GRM7: variants seen among roughly 807,000 people sequenced by gnomAD.
GRM7 encodes glutamate metabotropic receptor 7.
GRM7 carries 35 observed loss-of-function variants against 84.5 expected under a neutral mutation model. The ratio of observed to expected loss-of-function variants is 0.41; its 90% CI spans 0.32 to 0.55. The LOEUF is 0.55. Ranked by LOEUF, GRM7 falls within the 20% of genes least tolerant of loss-of-function variation. The pLI, the probability that GRM7 is intolerant of heterozygous loss-of-function variation, is 0.19. For synonymous variants in GRM7, 487 were observed against 455.1 expected, an observed-to-expected ratio of 1.07 and a Z score of -0.89; for missense variants, 1,003 against 1,194.6, an observed-to-expected ratio of 0.84 and a Z score of 2.36.
In GRM7 at chr3:7,103,695, T is replaced by A. The variant is rs144731397; in HGVS notation, c.520-42757T>A. Among the ~76,000 whole-genome samples the A allele has an allele frequency of 2.4e-3, 358 of 151,934 alleles. 2 individuals carry two copies. In the Middle Eastern group the frequency reaches 0.031, roughly 13 times the overall value. ...GCATGACCTCTTTACAGTGTTACTG[T>A]GTACTAATGCTTAGTCTTATTTTGT... On this transcript the variant is annotated intron_variant, in intron 1 of 9. Coordinates refer to ENST00000357716, the MANE Select transcript of GRM7 (RefSeq NM_000844.4).
At chr3:7,082,014 T>C (rs1698290540) in intron 1 of GRM7, among the ~76,000 whole-genome samples, 1 of 152,002 alleles carries the variant, frequency 6.6e-6, no homozygotes, top group Non-Finnish European at 1.5e-5. Context: ...AAATGCAAGG[T>C]GAGGCAGCAA....
chr3:7,079,172 C>T (rs1342763892), intron 1 of GRM7, among the ~76,000 whole-genome samples: 2 of 152,002 alleles, frequency 1.3e-5, no homozygotes, highest in Non-Finnish European at 2.9e-5. Context: ...GGTTGTTAAC[C>T]ATAATTAGAA....
chr3:6,940,857 A>T (rs561041690), intron 1 of GRM7, among the ~76,000 whole-genome samples: 16 of 152,352 alleles, frequency 1.1e-4, no homozygotes, highest in African/African-American at 3.4e-4. Flanking sequence ...CTACCCTGCA[A>T]TATGAGTTTT....
At chr3:7,240,134 T>G (rs949682902) in intron 2 of GRM7, among the ~76,000 whole-genome samples, 1 of 144,830 alleles carries the variant, frequency 6.9e-6, no homozygotes, top group African/African-American at 2.5e-5. Context: ...TTTTTTTTTT[T>G]TTTTTTTTTT....
chr3:7,255,683 G>A (rs1487310860), intron 2 of GRM7, among the ~76,000 whole-genome samples: 1 of 152,224 alleles, frequency 6.6e-6, no homozygotes, highest in Admixed American at 6.5e-5. Flanking sequence ...TGAGTTGGGT[G>A]AAATTTCTAG....
chr3:7,382,134 T>A (rs1694616825), intron 4 of GRM7, among the ~76,000 whole-genome samples: 1 of 152,170 alleles, frequency 6.6e-6, no homozygotes, highest in Non-Finnish European at 1.5e-5. Context: ...CTAAAAAAAA[T>A]TCTGCTTACC....
intron 4 of GRM7, among the ~76,000 whole-genome samples, chr3:7,312,369 G>A (rs977294031): frequency 2.0e-5 from 3 of 152,068 alleles, no homozygotes; most frequent in African/African-American, 7.2e-5. Context: ...GAAGAGAGCA[G>A]TTCCTCAAAA....
chr3:6,877,147 G>C (rs1695337976), intron 1 of GRM7, among the ~76,000 whole-genome samples: 1 of 152,150 alleles, frequency 6.6e-6, no homozygotes, highest in Non-Finnish European at 1.5e-5. Flanking sequence ...TATGTGCAAA[G>C]GCATTTCTCA....
intron 7 of GRM7, among the ~76,000 whole-genome samples, chr3:7,549,589 A>G (rs1414540052): frequency 6.6e-6 from 1 of 152,180 alleles, no homozygotes; most frequent in African/African-American, 2.4e-5. Context: ...GATTTTCCCA[A>G]AAGTTACCTA....
At chr3:7,146,721 G>A in intron 2 of GRM7, 53 bp downstream of exon 2, 1 of 1,281,464 alleles carries the variant, frequency 7.8e-7, no homozygotes, top group Non-Finnish European at 1.1e-6. Flanking sequence ...TCTGTGGCTT[G>A]TAGAGTTCTC....
intron 8 of GRM7, among the ~76,000 whole-genome samples, chr3:7,600,068 C>G (rs1696242866): frequency 6.6e-6 from 1 of 152,108 alleles, no homozygotes. Context: ...ATGTTGCCAT[C>G]ATAGACACAA....
chr3:6,933,052 G>A (rs1697566414), intron 1 of GRM7, among the ~76,000 whole-genome samples: 1 of 152,128 alleles, frequency 6.6e-6, no homozygotes, highest in South Asian at 2.1e-4. Flanking sequence ...ACCGTGCCTA[G>A]CCTTTAATGT....
At chr3:7,433,476 A>G (rs1209706635) in intron 5 of GRM7, among the ~76,000 whole-genome samples, 3 of 152,182 alleles carry the variant, frequency 2.0e-5, no homozygotes, top group Non-Finnish European at 4.4e-5. Flanking sequence ...TCAGTAAGCT[A>G]TCCTGTCATT....
chr3:7,407,560 A>C (rs1181697116), intron 4 of GRM7, among the ~76,000 whole-genome samples: 1 of 152,230 alleles, frequency 6.6e-6, no homozygotes, highest in African/African-American at 2.4e-5. Flanking sequence ...CTTCATACTG[A>C]AAATTTTAAA....
chr3:7,674,756 G>A (rs986517618), intron 8 of GRM7, among the ~76,000 whole-genome samples: 6 of 152,190 alleles, frequency 3.9e-5, no homozygotes, highest in Admixed American at 6.5e-5. Flanking sequence ...CATGCCTGGC[G>A]TGTCACCCTT....
chr3:6,951,170 G>A (rs796682452), intron 1 of GRM7, among the ~76,000 whole-genome samples: 7 of 152,092 alleles, frequency 4.6e-5, no homozygotes, highest in Admixed American at 6.5e-5. Context: ...GTTCCTATTC[G>A]GCCATCTTGG....
Position 7,188,590 on chromosome 3 carries a change from A to G in GRM7, c.736+41922A>G, listed in dbSNP as rs988593080. ...CTGCAGGTGAAAGATGTAAGGAATA[A>G]TGAGAAAAGATATTGGAATAAAGGA... On this transcript the variant is annotated intron_variant, in intron 2 of 9. Transcript: ENST00000357716. This position sits in a 1 kb window ranked among gnomAD's most constrained non-coding sequence, Gnocchi z 4.2. 3.3e-5 allele frequency among the ~76,000 whole-genome samples: 5 copies of G among 152,198 alleles called. No individual in the cohort carries two copies. The highest frequency in any genetic ancestry group is 7.3e-5 in the Non-Finnish European group (5 of 68,030).
intron 7 of GRM7, among the ~76,000 whole-genome samples, chr3:7,556,331 AAC>A (rs1349261119): frequency 6.6e-6 from 1 of 152,146 alleles, no homozygotes; most frequent in Non-Finnish European, 1.5e-5. Flanking sequence ...AGGGGATATA[AAC>A]ATTCAGACCA....
intron 1 of GRM7, among the ~76,000 whole-genome samples, chr3:7,028,088 A>G (rs1696046098): frequency 6.6e-6 from 1 of 152,124 alleles, no homozygotes; most frequent in Non-Finnish European, 1.5e-5. Context: ...TCCTTTCAAT[A>G]GAGTGGAAGC....
Sources: allele counts gnomAD v4.1 joint callset (sites outside exome capture counted in the v4.1 genomes callset), GRCh38; gene constraint gnomAD v4.1.1; non-coding constraint Gnocchi (gnomAD v3.1); transcripts MANE v1.5; gene names NCBI Gene and HGNC (gene_info 2026-07-23, HGNC 2026-07-21).